TTN: variants seen among roughly 807,000 people sequenced by gnomAD.
TTN encodes connectin.
TTN carries 1,525 observed loss-of-function variants against 3,223.0 expected under a neutral mutation model. The observed-to-expected ratio is 0.47, with a 90% CI of 0.45 to 0.49. The LOEUF is 0.49. Ranked by LOEUF, TTN falls within the 20% of genes least tolerant of loss-of-function variation. TTN has a pLI of 0.00. For missense variants in TTN, 40,786 were observed against 43,424.0 expected, an observed-to-expected ratio of 0.94 and a Z score of 5.40; for synonymous variants, 14,094 against 15,161.0, an observed-to-expected ratio of 0.93 and a Z score of 5.17.
rs1560783710 is a variant in TTN, at chr2:178,730,270, T to G, written c.18130A>C (p.Lys6044Gln). 1 of 1,612,924 alleles carries G rather than the reference T, an allele frequency of 6.2e-7. No individual in the cohort carries two copies. Among genetic ancestry groups the G allele is most frequent in the Non-Finnish European group, 8.5e-7 (1 of 1,179,498 alleles). The stretch of plus-strand genomic sequence containing the variant: ...AACTCTTTGTTATCTTTAAACCACT[T>G]TATTGTCATGGGTGCAGTGCCACCC... ...LVGGTAPMTI[K>Q]WFKDNKELHS... Residue 6044 changes from lysine to glutamine, a missense_variant, in exon 62 of 363, where the codon AAG becomes CAG. By Grantham distance (53) the Lys-to-Gln change is moderately conservative. Coordinates refer to ENST00000589042, the MANE Select transcript of TTN (RefSeq NM_001267550.2).
At chr2:178,603,704 A>G (rs2054061587) in intron 282 of TTN, among the ~76,000 whole-genome samples, 172 bp downstream of exon 282, 1 of 152,004 alleles carries the variant, frequency 6.6e-6, no homozygotes, top group Non-Finnish European at 1.5e-5. Context: ...CTGTGCATGT[A>G]TGTATACACA....
chr2:178,561,676 G>T lies in TTN; in HGVS notation c.84456C>A (p.Phe28152Leu), dbSNP rs1288017171. ...GAGTACCAGGAGGACCTGGGGGACT[G>T]AATGGATACTCTGCAACAACAGCTG... Reference protein sequence around the residue: ...ESSAVVAEYPFSPPGPPGTPK... With the variant: ...ESSAVVAEYPLSPPGPPGTPK... The change falls in exon 326 of 363, where the codon TTC becomes TTA. Residue 28152 changes from phenylalanine to leucine, a missense_variant. Coordinates refer to ENST00000589042, the MANE Select transcript of TTN (RefSeq NM_001267550.2). The T allele has an allele frequency of 1.9e-6, 3 of 1,607,032 alleles. No individual in the cohort carries two copies. In the Admixed American group the frequency reaches 5.0e-5, roughly 27 times the overall value.
rs1348161214 is a variant in TTN, at chr2:178,664,113, G to C, written c.36281-15C>G. 9 of 1,597,070 alleles carry C rather than the reference G, an allele frequency of 5.6e-6. No individual in the cohort carries two copies. The highest frequency in any genetic ancestry group is 6.8e-6 in the Non-Finnish European group (8 of 1,172,558). On this transcript the variant is annotated splice_polypyrimidine_tract_variant and intron_variant, in intron 168 of 362. Transcript: ENST00000589042. ...AGCTTCGTGCACTTGAAAGATATTA[G>C]TATTTTTACACTCAGAAAATACAGA...
At chr2:178,705,393 G>T in intron 102 of TTN, 36 bp from the exon 103 acceptor site, 1 of 1,410,980 alleles carries the variant, frequency 7.1e-7, no homozygotes. Context: ...TAAAACACCT[G>T]TCTTCTACTT....
Position 178,799,572 on chromosome 2 carries a change from G to T in TTN, c.829C>A (p.Leu277Met). The change falls in exon 6 of 363, where the codon CTG becomes ATG. Residue 277 changes from leucine (L) to methionine (M), a missense_variant. Coordinates refer to ENST00000589042, the MANE Select transcript of TTN (RefSeq NM_001267550.2). The part of the protein sequence containing the change: ...TPPSIAAKAQ[L>M]ARQQSPSPIR... Reference sequence around the variant, plus strand: ...GGCGATGGGGACTGCTGCCGAGCCAGCTGTGCTTTGGCAGCAATAGACGGT... The same window carrying T: ...GGCGATGGGGACTGCTGCCGAGCCATCTGTGCTTTGGCAGCAATAGACGGT... 1.2e-6 allele frequency: 2 copies of T among 1,614,210 alleles called. No individual in the cohort carries two copies. The highest frequency in any genetic ancestry group is 1.7e-6 in the Non-Finnish European group (2 of 1,180,030).
intron 43 of TTN, 62 bp from the exon 44 acceptor site, chr2:178,759,234 C>G: frequency 1.3e-6 from 2 of 1,541,626 alleles, no homozygotes. Context: ...TACAATTTAC[C>G]TGCAAACACA....
At chr2:178,651,095 T>G (rs2062865099) in intron 208 of TTN, 148 bp downstream of exon 208, 3 of 700,968 alleles carry the variant, frequency 4.3e-6, no homozygotes, top group Non-Finnish European at 7.1e-6. Context: ...ATGAAAAAAT[T>G]ATTAAAAAGT....
chr2:178,626,626 T>C (rs2059095242), intron 240 of TTN, among the ~76,000 whole-genome samples: 1 of 151,978 alleles, frequency 6.6e-6, no homozygotes, highest in Admixed American at 6.6e-5. Context: ...ATAATTATCT[T>C]AATAATTGAG....
At chr2:178,550,330 A>G in intron 336 of TTN, 57 bp from the exon 337 acceptor site, 1 of 1,431,170 alleles carries the variant, frequency 7.0e-7, no homozygotes, top group Non-Finnish European at 9.4e-7. Flanking sequence ...ACATACATAA[A>G]TATATATTTT....
Position 178,712,360 on chromosome 2 carries a change from T to A in TTN, c.27562A>T (p.Asn9188Tyr). 1 of 1,613,816 alleles carries A rather than the reference T, an allele frequency of 6.2e-7. No individual in the cohort carries two copies. The highest frequency in any genetic ancestry group is 1.1e-5 in the South Asian group (1 of 91,064). The change falls in exon 95 of 363, where the codon AAT becomes TAT. Residue 9188 changes from asparagine to tyrosine, a missense_variant. Asn to Tyr is a moderately radical substitution (Grantham distance 143). Coordinates refer to ENST00000589042, the MANE Select transcript of TTN (RefSeq NM_001267550.2). ...GAACAGGAATCTTTTCCAGAGGCAT[T>A]TTCAATGTAGCAGTTGTATTGTCCT... ...DAGQYNCYIE[N>Y]ASGKDSCSAQ...
At position 178,554,047 on chromosome 2, in the gene TTN, G is replaced by GATAGTCTCTTTTAGT; in HGVS notation, c.89049_89063dup (p.Leu29684_Ile29688dup). On this transcript the variant is annotated inframe_insertion, in exon 333 of 363. Transcript: ENST00000589042. Reference sequence around the variant, plus strand: ...CTGTTACTTTTTGTCTGGTGTCACGGATAGTCTCTTTTAGTACTTTAAACC... The same window carrying GATAGTCTCTTTTAGT: ...CTGTTACTTTTTGTCTGGTGTCACGGATAGTCTCTTTTAGTATAGTCTCTTTTAGTACTTTAAACC... 1 of 1,613,782 alleles carries GATAGTCTCTTTTAGT rather than the reference G, an allele frequency of 6.2e-7. No individual in the cohort carries two copies. Among genetic ancestry groups the GATAGTCTCTTTTAGT allele is most frequent in the Non-Finnish European group, 8.5e-7 (1 of 1,179,814 alleles).
Position 178,552,414 on chromosome 2 carries a change from G to A in TTN, c.90486C>T (p.Ser30162=). Residue 30162 remains serine (S), a synonymous_variant, in exon 335 of 363, where the codon TCC becomes TCT. Transcript: ENST00000589042. ...ELPYKGKPKP[S]ISWLKDGLPL... ...GCAAGCCATCTTTCAGCCAACTGAT[G>A]GATGGTTTGGGTTTTCCCTTATAAG... 1 of 1,595,578 alleles carries A rather than the reference G, an allele frequency of 6.3e-7. No homozygotes were observed.
chr2:178,725,070 T>A (rs1336040678), intron 71 of TTN: 35 of 311,802 alleles, frequency 1.1e-4, no homozygotes. Flanking sequence ...CAATTACTCT[T>A]GTAGCACATG....
rs1416063636 is a variant in TTN, at chr2:178,717,943, C to A, written c.25063G>T (p.Ala8355Ser). 1 of 1,610,434 alleles carries A rather than the reference C, an allele frequency of 6.2e-7. No individual in the cohort carries two copies. The highest frequency in any genetic ancestry group is 1.3e-5 in the African/African-American group (1 of 74,934). Residue 8355 changes from alanine (A) to serine (S), a missense_variant and splice_region_variant, in exon 86 of 363, where the codon GCG (alanine) becomes TCG (serine). Ala to Ser is a moderately conservative substitution (Grantham distance 99). Transcript: ENST00000589042. ...VASSAVLVIK[A>S]RKLPPFFARK... ...ACACTAGGTTAAACAACACCATCACCTTTGATAACAAGCACAGCTGAAGAA... is the reference window on the plus strand; with the variant it reads ...ACACTAGGTTAAACAACACCATCACATTTGATAACAAGCACAGCTGAAGAA...
In TTN at chr2:178,782,605, A is replaced by T. The variant is rs1214822539; in HGVS notation, c.3101-3T>A. 2 of 1,613,794 alleles carry T rather than the reference A, an allele frequency of 1.2e-6. No individual in the cohort carries two copies. The highest frequency in any genetic ancestry group is 1.7e-6 in the Non-Finnish European group (2 of 1,179,846). On this transcript the variant is annotated splice_polypyrimidine_tract_variant and splice_region_variant and intron_variant, in intron 18 of 362. Coordinates refer to ENST00000589042, the MANE Select transcript of TTN (RefSeq NM_001267550.2). ...TTCCTTTTCAAATTCTTCTGACACT[A>T]AAAGAAGACAAAAGTTTCTCATTGA...
Position 178,594,458 on chromosome 2 carries a change from C to A in TTN, c.58036G>T (p.Val19346Phe). ...GTATCACCTTCTTTTAAGCCTTTAACAGTGTATTTTCTGCTAAGCAAGTTG... is the reference window on the plus strand; with the variant it reads ...GTATCACCTTCTTTTAAGCCTTTAAAAGTGTATTTTCTGCTAAGCAAGTTG... ...NDNLLSRKYT[V>F]KGLKEGDTYE... Residue 19346 changes from valine (V) to phenylalanine (F), a missense_variant, in exon 296 of 363, where the codon GTT (valine) becomes TTT (phenylalanine). Val to Phe is a conservative substitution (Grantham distance 50, BLOSUM62 -1). Transcript: ENST00000589042. 1.9e-6 allele frequency: 3 copies of A among 1,613,348 alleles called. No individual in the cohort carries two copies. The highest frequency in any genetic ancestry group is 2.5e-6 in the Non-Finnish European group (3 of 1,179,554).
chr2:178,698,563 C>A (rs544514989), intron 112 of TTN, among the ~76,000 whole-genome samples: 1 of 152,076 alleles, frequency 6.6e-6, no homozygotes, highest in East Asian at 1.9e-4. Flanking sequence ...TGTTGGATTT[C>A]TGGGCAAGAC....
intron 43 of TTN, among the ~76,000 whole-genome samples, chr2:178,759,667 C>A (rs765825321): frequency 3.3e-5 from 5 of 152,038 alleles, no homozygotes; most frequent in African/African-American, 1.2e-4. Flanking sequence ...AAAATAGATA[C>A]CTTTGAAGGC....
chr2:178,554,640 G>A lies in TTN; in HGVS notation c.88707C>T (p.Tyr29569=). The change falls in exon 332 of 363, where the codon TAC becomes TAT. Residue 29569 remains tyrosine, a synonymous_variant. Coordinates refer to ENST00000589042, the MANE Select transcript of TTN (RefSeq NM_001267550.2). ...ADDGGAKITH[Y]IVEKRETSRV... is the part of the protein sequence containing the mutation. ...GGCTTGTCTCACGCTTTTCCACAATGTAGTGAGTGATTTTTGCACCACCAT... is the reference window on the plus strand; with the variant it reads ...GGCTTGTCTCACGCTTTTCCACAATATAGTGAGTGATTTTTGCACCACCAT... The A allele has an allele frequency of 6.2e-7, 1 of 1,613,892 alleles. No homozygotes were observed. Among genetic ancestry groups the A allele is most frequent in the Non-Finnish European group, 8.5e-7 (1 of 1,179,840 alleles).
Sources: gnomAD v4.1 joint callset for allele counts (sites outside exome capture counted in the v4.1 genomes callset) on GRCh38, gnomAD v4.1.1 for gene constraint, MANE v1.5 for transcripts, NCBI Gene and HGNC (gene_info 2026-07-23, HGNC 2026-07-21) for gene names.